PACRG: variants seen among roughly 807,000 people sequenced by gnomAD.
The protein encoded by PACRG is parkin coregulated.
Under a neutral mutation model 29.7 loss-of-function variants are expected in PACRG, and 29 were observed. The observed-to-expected ratio is 0.98, with a 90% CI of 0.73 to 1.33. The LOEUF is 1.33. PACRG is among the 40% of genes most tolerant of loss of function. PACRG has a pLI of 0.00. For missense variants in PACRG, 279 were observed against 316.2 expected (o/e 0.88, Z 0.89); for synonymous variants, 116 against 118.7 (o/e 0.98, Z 0.15).
At chr6:162,732,153 C>G (rs989925719) in intron 1 of PACRG, among the ~76,000 whole-genome samples, 2 of 152,122 alleles carry the variant, frequency 1.3e-5, no homozygotes, top group East Asian at 1.9e-4. Context: ...TACATTTTCC[C>G]TTTTTGCAAA....
At chr6:162,793,833 C>T (rs1273973126) in intron 1 of PACRG, among the ~76,000 whole-genome samples, 1 of 152,120 alleles carries the variant, frequency 6.6e-6, no homozygotes, top group African/African-American at 2.4e-5. Context: ...ACACTCTTAA[C>T]AATTCTTGTG....
chr6:162,929,705 G>A (rs1797708390), intron 2 of PACRG, among the ~76,000 whole-genome samples: 1 of 151,962 alleles, frequency 6.6e-6, no homozygotes. Context: ...TAGTTTCACA[G>A]TTTGGGGTCT....
At chr6:163,106,909 C>G (rs958363820) in intron 4 of PACRG, among the ~76,000 whole-genome samples, 1 of 152,138 alleles carries the variant, frequency 6.6e-6, no homozygotes, top group South Asian at 2.1e-4. Flanking sequence ...AAGACTTGCT[C>G]ATTAAACTAT....
At chr6:162,802,506 A>C (rs1435741863) in intron 1 of PACRG, among the ~76,000 whole-genome samples, 1 of 152,168 alleles carries the variant, frequency 6.6e-6, no homozygotes, top group Non-Finnish European at 1.5e-5. Flanking sequence ...TAATTTATGA[A>C]TTCCAGTGTA....
intron 4 of PACRG, among the ~76,000 whole-genome samples, chr6:163,203,058 G>A (rs144005224): frequency 7.5e-4 from 114 of 152,184 alleles, no homozygotes; most frequent in African/African-American, 2.6e-3. Flanking sequence ...ACATCGGGCC[G>A]TTCCTCATCT....
At chr6:163,045,074 G>C (rs1809192196) in intron 2 of PACRG, among the ~76,000 whole-genome samples, 1 of 152,160 alleles carries the variant, frequency 6.6e-6, no homozygotes, top group African/African-American at 2.4e-5. Flanking sequence ...CCGTTGCGAA[G>C]GTTTTGGGGA....
intron 1 of PACRG, among the ~76,000 whole-genome samples, chr6:162,770,606 G>T (rs534551701): frequency 1.3e-5 from 2 of 151,964 alleles, no homozygotes; most frequent in Non-Finnish European, 2.9e-5. Context: ...TCACTCATTT[G>T]GTCTCCTCAT....
intron 4 of PACRG, among the ~76,000 whole-genome samples, chr6:163,172,598 A>G (rs1779141397): frequency 6.6e-6 from 1 of 152,118 alleles, no homozygotes; most frequent in Non-Finnish European, 1.5e-5. Flanking sequence ...GATTAACACA[A>G]TTTCTTGCTC....
chr6:163,063,024 T>C (rs1447723563), intron 3 of PACRG, among the ~76,000 whole-genome samples: 3 of 152,112 alleles, frequency 2.0e-5, no homozygotes, highest in Non-Finnish European at 4.4e-5. Flanking sequence ...ATGCCTGGCA[T>C]CCACTGGTAC....
intron 2 of PACRG, among the ~76,000 whole-genome samples, chr6:162,862,937 T>C (rs865934639): frequency 7.9e-5 from 12 of 152,224 alleles, no homozygotes; most frequent in African/African-American, 2.9e-4. Context: ...TTTGAAATCA[T>C]TTAATCTTGC....
At chr6:162,889,607 C>T (rs1268703921) in intron 2 of PACRG, among the ~76,000 whole-genome samples, 1 of 152,214 alleles carries the variant, frequency 6.6e-6, no homozygotes, top group African/African-American at 2.4e-5. Context: ...GATTATACAG[C>T]ATGGCATGGT....
intron 4 of PACRG, among the ~76,000 whole-genome samples, chr6:163,283,522 C>T (rs969441345): frequency 1.1e-4 from 17 of 152,244 alleles, no homozygotes; most frequent in Non-Finnish European, 1.8e-4. Context: ...AATTTAGGGC[C>T]GGGCGCGGTG....
intron 2 of PACRG, among the ~76,000 whole-genome samples, chr6:162,979,944 C>T (rs1468645435): frequency 6.6e-6 from 1 of 151,300 alleles, no homozygotes; most frequent in East Asian, 1.9e-4. Context: ...ATATTCAGTC[C>T]AGAAAAAAAA....
chr6:162,837,012 G>T (rs899975402), intron 2 of PACRG, among the ~76,000 whole-genome samples: 4 of 152,042 alleles, frequency 2.6e-5, no homozygotes, highest in Admixed American at 2.6e-4. Context: ...CTTCTTTACA[G>T]AAAATTTAAG....
intron 4 of PACRG, among the ~76,000 whole-genome samples, chr6:163,118,595 T>A (rs1243013916): frequency 6.6e-6 from 1 of 152,260 alleles, no homozygotes; most frequent in African/African-American, 2.4e-5. Context: ...GCTAACTTAG[T>A]AAAGAACTCT....
intron 2 of PACRG, among the ~76,000 whole-genome samples, chr6:162,928,085 G>A (rs1797583693): frequency 6.6e-6 from 1 of 151,982 alleles, no homozygotes; most frequent in Admixed American, 6.6e-5. Context: ...TTTCAGAATT[G>A]AGAAAAATCT....
intron 2 of PACRG, among the ~76,000 whole-genome samples, chr6:162,958,925 A>G (rs937684206): frequency 8.0e-6 from 1 of 124,776 alleles, no homozygotes; most frequent in African/African-American, 3.1e-5. Flanking sequence ...AGAGAGAGAG[A>G]GAGAGAGAGA....
chr6:162,812,881 A>G (rs1444211430), intron 1 of PACRG, among the ~76,000 whole-genome samples: 1 of 152,096 alleles, frequency 6.6e-6, no homozygotes, highest in African/African-American at 2.4e-5. Flanking sequence ...TCCTACTGGT[A>G]ATACCCAATG....
At chr6:163,160,717 A>G (rs6929615) in intron 4 of PACRG, among the ~76,000 whole-genome samples, 10,182 of 152,152 alleles carry the variant, frequency 0.067, 1,143 homozygotes, top group African/African-American at 0.23. Flanking sequence ...TTTCCTTCCA[A>G]TTTTCCAACC....
Sources: allele counts gnomAD v4.1 joint callset (sites outside exome capture counted in the v4.1 genomes callset), GRCh38; gene constraint gnomAD v4.1.1; transcripts MANE v1.5; gene names NCBI Gene and HGNC (gene_info 2026-07-23, HGNC 2026-07-21).